Variants in TANC2 observed in about 807,000 individuals in gnomAD.
The protein encoded by TANC2 is tetratricopeptide repeat, ankyrin repeat and coiled-coil containing 2, also known as protein TANC2.
In TANC2, 26 loss-of-function variants were observed where a neutral mutation model predicts 210.5. The ratio of observed to expected loss-of-function variants is 0.12; its 90% confidence interval spans 0.09 to 0.17. The LOEUF (loss-of-function observed/expected upper bound fraction) is 0.17, where lower values mean the gene tolerates loss of function less well. TANC2 is among the 10% of genes least tolerant of loss of function. The pLI is 1.00. For missense variants in TANC2, 2,129 were observed against 2,608.9 expected (o/e 0.82, Z 4.01); for synonymous variants, 931 against 967.1 (o/e 0.96, Z 0.69).
exon 8 of TANC2, chr17:63,237,867 A>G (rs1242004650): frequency 6.4e-7 from 1 of 1,556,796 alleles, no homozygotes; most frequent in Non-Finnish European, 8.7e-7. Flanking sequence ...TGCTGGGGAA[A>G]GCAGTAAAGA....
intron 4 of TANC2, among the ~76,000 whole-genome samples, chr17:63,118,636 T>C (rs1316799129): frequency 6.6e-6 from 1 of 152,140 alleles, no homozygotes; most frequent in Non-Finnish European, 1.5e-5. Context: ...TATTGATTGA[T>C]TGAGACAGGG....
intron 8 of TANC2, among the ~76,000 whole-genome samples, chr17:63,258,763 A>G (rs1415870096): frequency 6.6e-6 from 1 of 152,164 alleles, no homozygotes; most frequent in Non-Finnish European, 1.5e-5. Context: ...AGGCAGGTCC[A>G]GAAATGCCAT....
intron 25 of TANC2, among the ~76,000 whole-genome samples, chr17:63,414,860 C>A (rs937530259): frequency 6.6e-6 from 1 of 152,222 alleles, no homozygotes; most frequent in South Asian, 2.1e-4. Context: ...GTGGCCAGAT[C>A]TCTAAATTGG....
At chr17:63,101,781 G>GTTTC (rs2037631824) in intron 4 of TANC2, among the ~76,000 whole-genome samples, 2 of 152,240 alleles carry the variant, frequency 1.3e-5, no homozygotes, top group Non-Finnish European at 2.9e-5. Flanking sequence ...TTGAGGTAGA[G>GTTTC]TTTCCTTCTA....
At chr17:63,402,403 G>A (rs1180381932) in intron 19 of TANC2, among the ~76,000 whole-genome samples, 1 of 152,174 alleles carries the variant, frequency 6.6e-6, no homozygotes, top group Non-Finnish European at 1.5e-5. Context: ...TGAGAGCAGT[G>A]TCTGACATAT....
intron 4 of TANC2, among the ~76,000 whole-genome samples, chr17:63,132,995 A>G (rs1239036343): frequency 2.0e-5 from 3 of 152,040 alleles, no homozygotes; most frequent in Admixed American, 2.0e-4. Flanking sequence ...GTTTTTTGAG[A>G]TGGATGCTTG....
intron 9 of TANC2, among the ~76,000 whole-genome samples, chr17:63,310,071 A>G (rs2146553916): frequency 6.6e-6 from 1 of 152,330 alleles, no homozygotes; most frequent in Admixed American, 6.5e-5. Context: ...GAACTTTCAA[A>G]GAACAACACT....
chr17:63,106,210 G>A (rs565624197), intron 4 of TANC2, among the ~76,000 whole-genome samples: 28 of 151,566 alleles, frequency 1.8e-4, no homozygotes, highest in African/African-American at 6.8e-4. Context: ...ATGTTAGAGG[G>A]TTATTACTTA....
At chr17:63,224,711 T>C (rs570867740) in intron 7 of TANC2, among the ~76,000 whole-genome samples, 3 of 152,324 alleles carry the variant, frequency 2.0e-5, no homozygotes, top group South Asian at 2.1e-4. Context: ...GATGTCAGTG[T>C]TCCCCACCAC....
At chr17:63,351,270 G>T (rs780099779) in exon 13 of TANC2, 1 of 1,606,326 alleles carries the variant, frequency 6.2e-7, no homozygotes, top group South Asian at 1.1e-5. Context: ...CCCAGATGAA[G>T]ATTTCATCAT....
intron 1 of TANC2, among the ~76,000 whole-genome samples, chr17:62,991,635 G>T (rs1049379707): frequency 7.8e-5 from 11 of 141,352 alleles, no homozygotes; most frequent in African/African-American, 2.7e-4. Context: ...GCGAGACTCC[G>T]TCTCAAAAAA....
At chr17:63,135,983 T>C (rs755442549) in intron 4 of TANC2, among the ~76,000 whole-genome samples, 1 of 152,228 alleles carries the variant, frequency 6.6e-6, no homozygotes, top group Non-Finnish European at 1.5e-5. Flanking sequence ...AATAATAAAA[T>C]AGGTAATTGA....
intron 9 of TANC2, 76 bp from the exon 10 acceptor site, chr17:63,314,312 A>C: frequency 6.5e-7 from 1 of 1,536,578 alleles, no homozygotes; most frequent in Non-Finnish European, 8.9e-7. Context: ...CCTAAACCAC[A>C]CTGCATTTTT....
chr17:63,232,711 G>A (rs530525779), intron 7 of TANC2, among the ~76,000 whole-genome samples: 2 of 152,346 alleles, frequency 1.3e-5, no homozygotes, highest in Non-Finnish European at 2.9e-5. Flanking sequence ...ACCCCTGTTG[G>A]GGGTTCTCAC....
chr17:63,317,174 GT>G (rs1225806229), intron 10 of TANC2, among the ~76,000 whole-genome samples: 2 of 151,996 alleles, frequency 1.3e-5, no homozygotes, highest in East Asian at 3.9e-4. Context: ...TTCTGCCCCT[GT>G]CTTCTTTCTG....
At chr17:63,333,229 T>TC (rs2045918878) in intron 11 of TANC2, among the ~76,000 whole-genome samples, 2 of 152,194 alleles carry the variant, frequency 1.3e-5, no homozygotes, top group Non-Finnish European at 2.9e-5. Context: ...TTTTCAAGAT[T>TC]TTCATCTGGA....
At chr17:63,409,337 A>G (rs2048615939) in intron 21 of TANC2, among the ~76,000 whole-genome samples, 1 of 151,766 alleles carries the variant, frequency 6.6e-6, no homozygotes, top group Non-Finnish European at 1.5e-5. Context: ...GGCTCACACC[A>G]CCACCACACC....
chr17:63,196,058 C>T (rs537200315), intron 6 of TANC2, among the ~76,000 whole-genome samples: 2 of 152,260 alleles, frequency 1.3e-5, no homozygotes, highest in East Asian at 3.9e-4. Flanking sequence ...TACTTAATTC[C>T]TCTTCTAATA....
chr17:63,283,482 A>G (rs1395227922), intron 9 of TANC2, among the ~76,000 whole-genome samples: 1 of 149,596 alleles, frequency 6.7e-6, no homozygotes, highest in African/African-American at 2.4e-5. Context: ...CAAAAAAAAA[A>G]ACTGCTAGAG....
Sources: gnomAD v4.1 joint callset for allele counts (sites outside exome capture counted in the v4.1 genomes callset) on GRCh38, gnomAD v4.1.1 for gene constraint, MANE v1.5 for transcripts, NCBI Gene and HGNC (gene_info 2026-07-23, HGNC 2026-07-21) for gene names.